The following KCNN2 variants were observed in gnomAD, a reference collection of about 807,000 sequenced individuals.
KCNN2 encodes potassium calcium-activated channel subfamily N member 2.
KCNN2 carries 24 observed loss-of-function variants against 55.5 expected under a neutral mutation model. That is an observed-to-expected ratio of 0.43 (90% CI 0.31 to 0.61). The LOEUF is 0.61. KCNN2 is among the 20% of genes least tolerant of loss of function. KCNN2 has a pLI of 0.08. For missense variants in KCNN2, 754 were observed against 853.6 expected (o/e 0.88, Z 1.45); for synonymous variants, 431 against 336.1 (o/e 1.28, Z -3.09).
chr5:114,115,274 T>C (rs1751688105), intron 1 of KCNN2, among the ~76,000 whole-genome samples: 1 of 152,182 alleles, frequency 6.6e-6, no homozygotes, highest in Non-Finnish European at 1.5e-5. Context: ...AATAATTTTT[T>C]CCTTATTAAC....
intron 1 of KCNN2, among the ~76,000 whole-genome samples, chr5:114,079,844 T>TGTGTGAGA (rs760369459): frequency 6.7e-6 from 1 of 149,446 alleles, no homozygotes; most frequent in African/African-American, 2.5e-5. Context: ...TGTGTGTGTG[T>TGTGTGAGA]GAGAGAGAGA....
intron 3 of KCNN2, among the ~76,000 whole-genome samples, chr5:114,419,955 G>A (rs1040118843): frequency 6.6e-6 from 1 of 152,236 alleles, no homozygotes; most frequent in Non-Finnish European, 1.5e-5. Flanking sequence ...CTATGATCAC[G>A]AGGCTATACT....
intron 2 of KCNN2, among the ~76,000 whole-genome samples, chr5:114,385,294 C>A (rs999706079): frequency 2.0e-4 from 30 of 151,944 alleles, no homozygotes; most frequent in African/African-American, 7.3e-4. Flanking sequence ...AGAAGTTAGT[C>A]CCCAGCCACC....
At chr5:114,298,849 C>T (rs573350870) in intron 2 of KCNN2, among the ~76,000 whole-genome samples, 19 of 152,068 alleles carry the variant, frequency 1.2e-4, no homozygotes, top group African/African-American at 4.1e-4. Context: ...TTTTTGGCTT[C>T]ACTTCAGATA....
At chr5:114,131,057 C>CT (rs979663207) in intron 1 of KCNN2, among the ~76,000 whole-genome samples, 24 of 151,578 alleles carry the variant, frequency 1.6e-4, no homozygotes, top group African/African-American at 3.9e-4. Context: ...TGACAGCGTT[C>CT]TTTTTTTTTC....
chr5:114,366,423 G>A (rs964355566), intron 2 of KCNN2, among the ~76,000 whole-genome samples: 1 of 152,136 alleles, frequency 6.6e-6, no homozygotes, highest in Admixed American at 6.5e-5. Flanking sequence ...TTTGGATGTA[G>A]CTTTTTTACT....
chr5:114,079,347 A>T (rs1236103139), intron 1 of KCNN2, among the ~76,000 whole-genome samples: 1 of 152,214 alleles, frequency 6.6e-6, no homozygotes, highest in Non-Finnish European at 1.5e-5. Flanking sequence ...ATTATACGTC[A>T]TGAAAAAAAT....
chr5:114,477,250 G>A (rs56332148), intron 5 of KCNN2, among the ~76,000 whole-genome samples: 56,828 of 151,948 alleles, frequency 0.37, 11,082 homozygotes, highest in East Asian at 0.66. Context: ...AAGATAGTCT[G>A]TTCTCCCAGG....
At chr5:114,485,594 C>A (rs1381865340) in intron 5 of KCNN2, among the ~76,000 whole-genome samples, 1 of 152,146 alleles carries the variant, frequency 6.6e-6, no homozygotes, top group African/African-American at 2.4e-5. Flanking sequence ...TTTAACTTCA[C>A]TGTGGATGGT....
intron 6 of KCNN2, among the ~76,000 whole-genome samples, chr5:114,491,553 G>A (rs770513858): frequency 2.0e-5 from 3 of 148,058 alleles, no homozygotes; most frequent in Non-Finnish European, 3.0e-5. Context: ...AAAAAAGCAG[G>A]TGTTAGGAGA....
At chr5:114,185,737 A>C (rs575150976) in intron 1 of KCNN2, among the ~76,000 whole-genome samples, 1 of 152,206 alleles carries the variant, frequency 6.6e-6, no homozygotes, top group Non-Finnish European at 1.5e-5. Flanking sequence ...TGAAAGTTGC[A>C]TTTTATCTGC....
chr5:114,361,140 A>G (rs1235566836), upstream of KCNN2: 1 of 152,156 alleles, frequency 6.6e-6, no homozygotes, highest in African/African-American at 2.4e-5. Context: ...TGTTCTGGAG[A>G]AGGCGCAAAT....
intron 2 of KCNN2, among the ~76,000 whole-genome samples, chr5:114,279,422 G>C (rs373984242): frequency 6.6e-6 from 1 of 151,994 alleles, no homozygotes; most frequent in East Asian, 1.9e-4. Flanking sequence ...TTTACATTAG[G>C]TATATCTCCT....
chr5:114,488,522 G>T (rs1215057214), intron 6 of KCNN2, among the ~76,000 whole-genome samples: 1 of 152,130 alleles, frequency 6.6e-6, no homozygotes, highest in Non-Finnish European at 1.5e-5. Flanking sequence ...TTGCTCCCTA[G>T]ACTTACAGTT....
chr5:114,163,362 G>C (rs995707511), intron 1 of KCNN2, among the ~76,000 whole-genome samples: 8 of 152,108 alleles, frequency 5.3e-5, no homozygotes, highest in African/African-American at 1.9e-4. Flanking sequence ...CATCCTTGTG[G>C]CAATTTTCAC....
At chr5:114,302,247 T>C (rs1446653210) in intron 2 of KCNN2, among the ~76,000 whole-genome samples, 1 of 152,246 alleles carries the variant, frequency 6.6e-6, no homozygotes, top group Non-Finnish European at 1.5e-5. Flanking sequence ...ATAATTTATG[T>C]TTCCACCTAC....
intron 1 of KCNN2, among the ~76,000 whole-genome samples, chr5:114,163,276 C>T (rs1580577050): frequency 6.6e-6 from 1 of 152,082 alleles, no homozygotes; most frequent in South Asian, 2.1e-4. Context: ...TTTGAATGCC[C>T]TTTATTTATT....
intron 3 of KCNN2, among the ~76,000 whole-genome samples, chr5:114,405,703 T>C (rs1214946573): frequency 4.7e-5 from 6 of 127,840 alleles, no homozygotes; most frequent in African/African-American, 7.2e-5. Context: ...TTTTTTTTGT[T>C]TTGTTTTGTT....
At chr5:114,363,754 A>G in intron 1 of KCNN2, 152 bp from the exon 2 acceptor site, 1 of 602,662 alleles carries the variant, frequency 1.7e-6, no homozygotes, top group South Asian at 2.0e-5. Context: ...GTGATCTGAC[A>G]GATCACAGAG....
Sources: gnomAD v4.1 joint callset for allele counts (sites outside exome capture counted in the v4.1 genomes callset) on GRCh38, gnomAD v4.1.1 for gene constraint, MANE v1.5 for transcripts, NCBI Gene and HGNC (gene_info 2026-07-23, HGNC 2026-07-21) for gene names.